QSOX1: variants seen among roughly 807,000 people sequenced by gnomAD.
QSOX1 encodes quiescin sulfhydryl oxidase 1.
QSOX1 carries 40 observed loss-of-function variants against 76.1 expected under a neutral mutation model. The observed-to-expected ratio is 0.53, with a 90% confidence interval of 0.41 to 0.68. QSOX1 has a LOEUF of 0.68. Among genes scored for constraint, QSOX1 ranks in the 30% least tolerant of loss-of-function variants. The probability of loss-of-function intolerance (pLI) is 0.00; values close to 1 mark genes in which losing one functional copy is unlikely to be tolerated. For synonymous variants in QSOX1, 392 were observed against 413.1 expected, an observed-to-expected ratio of 0.95 and a Z score of 0.62; for missense variants, 931 against 974.3, an observed-to-expected ratio of 0.96 and a Z score of 0.59.
In QSOX1 at chr1:180,183,512, T is replaced by C. The variant is rs754441602; in HGVS notation, c.753-404T>C. On this transcript the variant is annotated intron_variant, in intron 6 of 11. Coordinates refer to ENST00000367602, the MANE Select transcript of QSOX1 (RefSeq NM_002826.5). ...CACTTATAGTACCTCAGGGCGAGCTTATGGATGGGCAGCTGCCATATTGAA... is the reference window on the plus strand; with the variant it reads ...CACTTATAGTACCTCAGGGCGAGCTCATGGATGGGCAGCTGCCATATTGAA... 2.6e-4 allele frequency among the ~76,000 whole-genome samples: 39 copies of C among 152,268 alleles called. 1 individual carries two copies. Among genetic ancestry groups the C allele is most frequent in the Non-Finnish European group, 5.0e-4 (34 of 68,012 alleles).
chr1:180,170,245 G>A lies in QSOX1; in HGVS notation c.366+3654G>A, dbSNP rs571928711. Among the ~76,000 whole-genome samples, 121 of 152,294 alleles carry A rather than the reference G, an allele frequency of 7.9e-4. 1 individual carries two copies. The highest frequency in any genetic ancestry group is 2.9e-4 in the Non-Finnish European group (20 of 68,020). ...GTCAGGGAGGAAGACAGGACTCCAG[G>A]ATGTCTCCTGTCTCTCTCTGGAAAA... On this transcript the variant is annotated intron_variant, in intron 2 of 11. Coordinates refer to ENST00000367602, the MANE Select transcript of QSOX1 (RefSeq NM_002826.5).
rs578021441 is a variant in QSOX1 at position 180,174,303 on chromosome 1, G to A, written c.367-1018G>A. Among the ~76,000 whole-genome samples, 50 of 152,340 alleles carry A rather than the reference G, an allele frequency of 3.3e-4. 1 individual carries two copies. In the South Asian group the frequency reaches 4.3e-3, roughly 13 times the overall value. ...GATTGCCAGGAGTCAGGCTCTGTTC[G>A]GTCTGTCCTCTTGCCCCAAGGAGGT... On this transcript the variant is annotated intron_variant, in intron 2 of 11. Coordinates refer to ENST00000367602, the MANE Select transcript of QSOX1 (RefSeq NM_002826.5).
chr1:180,182,202 G>A lies in QSOX1; in HGVS notation c.635G>A (p.Gly212Asp), dbSNP rs1663055194. 6.2e-7 allele frequency: 1 copy of A among 1,614,226 alleles called. No individual in the cohort carries two copies. The highest frequency in any genetic ancestry group is 8.5e-7 in the Non-Finnish European group (1 of 1,180,034). ...EVALDLSQHKGVAVRRVLNTE... is the reference protein window; with the variant it reads ...EVALDLSQHKDVAVRRVLNTE... ...GCTCTGGACCTGTCCCAGCACAAAG[G>A]CGTGGCGGTGCGCAGGGTGCTGAAC... Residue 212 changes from glycine to aspartate, a missense_variant, in exon 6 of 12, where the codon GGC (glycine) becomes GAC (aspartate). Gly to Asp is a moderately conservative substitution (Grantham distance 94). Coordinates refer to ENST00000367602, the MANE Select transcript of QSOX1 (RefSeq NM_002826.5).
At chr1:180,183,823 A>G in intron 6 of QSOX1, 93 bp from the exon 7 acceptor site, 1 of 1,377,840 alleles carries the variant, frequency 7.3e-7, no homozygotes, top group Non-Finnish European at 1.0e-6. Flanking sequence ...TTCCTGTCCG[A>G]TGAGCCACCC....
chr1:180,163,681 C>T (rs907249645), intron 1 of QSOX1, among the ~76,000 whole-genome samples: 1 of 152,186 alleles, frequency 6.6e-6, no homozygotes, highest in Non-Finnish European at 1.5e-5. Flanking sequence ...CTTAATTTAA[C>T]GTAAAATAAC....
chr1:180,183,218 G>A (rs764444303), intron 6 of QSOX1, among the ~76,000 whole-genome samples: 11 of 152,030 alleles, frequency 7.2e-5, no homozygotes, highest in Admixed American at 3.9e-4. Context: ...GAATGAAGCC[G>A]TGCGTCCCAT....
At chr1:180,172,147 TC>T (rs1400199005) in intron 2 of QSOX1, among the ~76,000 whole-genome samples, 1 of 152,098 alleles carries the variant, frequency 6.6e-6, no homozygotes, top group Non-Finnish European at 1.5e-5. Context: ...CCTCTCTTCA[TC>T]CCCATCCTCC....
At chr1:180,188,347 A>C (rs1194771661) in intron 8 of QSOX1, among the ~76,000 whole-genome samples, 1 of 152,226 alleles carries the variant, frequency 6.6e-6, no homozygotes, top group Non-Finnish European at 1.5e-5. Flanking sequence ...TCCTGTGAGC[A>C]GCTGGTAGGA....
intron 1 of QSOX1, among the ~76,000 whole-genome samples, chr1:180,157,345 G>A (rs1395538190): frequency 3.3e-5 from 5 of 152,222 alleles, no homozygotes; most frequent in African/African-American, 1.2e-4. Flanking sequence ...CCAAAGGGGT[G>A]TTCCCTGGTG....
chr1:180,177,047 T>C (rs1662914282), intron 4 of QSOX1, among the ~76,000 whole-genome samples: 2 of 152,196 alleles, frequency 1.3e-5, no homozygotes, highest in Non-Finnish European at 1.5e-5. Flanking sequence ...TTATGTGGTT[T>C]GGGGTTCCAC....
chr1:180,175,214 G>T lies in QSOX1; in HGVS notation c.367-107G>T. On this transcript the variant is annotated intron_variant, in intron 2 of 11. Transcript: ENST00000367602. Reference sequence around the variant, plus strand: ...CAGGCTCAACAACATTAAGTGATTTGCCCAGCCACCGCATTGAATAAGTAG... The same window carrying T: ...CAGGCTCAACAACATTAAGTGATTTTCCCAGCCACCGCATTGAATAAGTAG... 3.0e-6 allele frequency: 3 copies of T among 993,278 alleles called. No individual in the cohort carries two copies. In the Admixed American group the frequency reaches 5.2e-5, roughly 17 times the overall value. 61.5% of individuals were successfully genotyped at this position (993,278 alleles called of 1,614,324 possible).
intron 1 of QSOX1, among the ~76,000 whole-genome samples, chr1:180,161,777 T>C (rs1662499374): frequency 6.6e-6 from 1 of 152,272 alleles, no homozygotes; most frequent in African/African-American, 2.4e-5. Flanking sequence ...TTTAGTCTCA[T>C]GTAATTAATT....
chr1:180,168,130 G>A (rs1662673811), intron 2 of QSOX1, among the ~76,000 whole-genome samples: 1 of 152,270 alleles, frequency 6.6e-6, no homozygotes, highest in Non-Finnish European at 1.5e-5. Flanking sequence ...GGGAGAGGCT[G>A]GGCACAGCAG....
In QSOX1 at chr1:180,197,035, T is replaced by C. The variant is rs1317676454; in HGVS notation, c.2242T>C (p.Ter748ArgextTer14). The C allele has an allele frequency of 3.7e-6, 6 of 1,605,486 alleles. No homozygotes were observed. In the South Asian group the frequency reaches 6.6e-5, roughly 18 times the overall value. The stretch of plus-strand genomic sequence containing the variant: ...GGGCCATGCTGGCCACCCTGCAGCC[T>C]GAACCACCTGGGGAGGAGGCGGGAG... The part of the protein sequence containing the change: ...LKGHAGHPAA[*>R] Residue 748 changes from the stop codon to arginine, a stop_lost, in exon 12 of 12, where the codon TGA becomes CGA. Coordinates refer to ENST00000367602, the MANE Select transcript of QSOX1 (RefSeq NM_002826.5).
chr1:180,171,067 T>C (rs548069309), intron 2 of QSOX1, among the ~76,000 whole-genome samples: 1 of 152,068 alleles, frequency 6.6e-6, no homozygotes. Context: ...ATGGAAGAGA[T>C]TTGAGGAGGA....
intron 1 of QSOX1, among the ~76,000 whole-genome samples, chr1:180,159,375 T>G (rs1662444087): frequency 6.6e-6 from 1 of 152,244 alleles, no homozygotes; most frequent in African/African-American, 2.4e-5. Flanking sequence ...AAAGCTTAAA[T>G]GCAGCTTTGC....
rs200808149 is a variant in QSOX1, at chr1:180,186,124, C to T, written c.959C>T (p.Pro320Leu). Residue 320 changes from proline (P) to leucine (L), a missense_variant, in exon 8 of 12, where the codon CCG becomes CTG. By Grantham distance (98) the Pro-to-Leu change is moderately conservative. Transcript: ENST00000367602. ...CTGCGGATAGAAGTGGGCAGGTTCC[C>T]GGTCCTGGAAGGGCAGCGCCTGGTG... ...YILRIEVGRF[P>L]VLEGQRLVAL... 88 of 1,614,150 alleles carry T rather than the reference C, an allele frequency of 5.5e-5. No homozygotes were observed. In the Admixed American group the frequency reaches 7.0e-4, roughly 13 times the overall value.
chr1:180,185,346 A>G (rs181454392), intron 7 of QSOX1, among the ~76,000 whole-genome samples: 1 of 152,336 alleles, frequency 6.6e-6, no homozygotes, highest in East Asian at 1.9e-4. Context: ...CCAGGTCTCA[A>G]GAGACAGGGG....
intron 5 of QSOX1, 69 bp from the exon 6 acceptor site, chr1:180,182,105 G>C: frequency 6.4e-7 from 1 of 1,572,300 alleles, no homozygotes; most frequent in Admixed American, 1.7e-5. Flanking sequence ...ACAGGTCACC[G>C]AGCTGGGACC....
Sources: allele counts gnomAD v4.1 joint callset (sites outside exome capture counted in the v4.1 genomes callset), GRCh38; gene constraint gnomAD v4.1.1; transcripts MANE v1.5; gene names NCBI Gene and HGNC (gene_info 2026-07-23, HGNC 2026-07-21).